Variants in HSF2BP observed in about 807,000 individuals in gnomAD.
The protein encoded by HSF2BP is heat shock factor 2-binding protein.
In HSF2BP, 35 loss-of-function variants were observed where a neutral mutation model predicts 35.0. The ratio of observed to expected loss-of-function variants is 1.00; its 90% confidence interval spans 0.76 to 1.32. The LOEUF is 1.32. Among genes scored for constraint, HSF2BP ranks in the 40% most tolerant of loss-of-function variants. HSF2BP has a pLI of 0.00. For missense variants in HSF2BP, 326 were observed against 321.7 expected (o/e 1.01, Z -0.10); for synonymous variants, 114 against 117.4 (o/e 0.97, Z 0.18).
At chr21:43,467,540 C>G in the HSF2BP span, among the ~76,000 whole-genome samples, 16 of 143,146 alleles carry the variant, frequency 1.1e-4, no homozygotes, top group Middle Eastern at 0.01. Context: ...TCTCAAAACT[C>G]TTATTTCAGG....
intron 5 of HSF2BP, 25 bp from the exon 6 acceptor site, chr21:43,630,479 C>G (rs1182783816): frequency 6.2e-7 from 1 of 1,601,530 alleles, no homozygotes; most frequent in Non-Finnish European, 8.5e-7. Flanking sequence ...ATCAGAGTGT[C>G]ATATCTTTTT....
intron 8 of HSF2BP, among the ~76,000 whole-genome samples, chr21:43,582,188 T>A (rs1302534185): frequency 1.3e-3 from 40 of 31,476 alleles, no homozygotes; most frequent in South Asian, 0.011. Context: ...GGGCCTGCTG[T>A]GGGAGATGAG....
intron 6 of HSF2BP, among the ~76,000 whole-genome samples, chr21:43,622,478 A>G (rs2082341629): frequency 6.6e-6 from 1 of 152,170 alleles, no homozygotes; most frequent in Non-Finnish European, 1.5e-5. Context: ...TGAAGGGTGG[A>G]AAAAGATATC....
the HSF2BP span, among the ~76,000 whole-genome samples, chr21:43,467,942 CACCACACACACCACACTTACACCA>C: frequency 2.4e-4 from 17 of 71,324 alleles, no homozygotes; most frequent in African/African-American, 9.0e-4. Context: ...CACACACACA[CACCACACACACCACACTTACACCA>C]CACACACACC....
chr21:43,614,083 G>T lies in HSF2BP; in HGVS notation c.575-136C>A, dbSNP rs2082242074. On this transcript the variant is annotated intron_variant, in intron 6 of 8. Coordinates refer to ENST00000291560, the MANE Select transcript of HSF2BP (RefSeq NM_007031.2). Reference sequence around the variant, plus strand: ...AAATGAGGCATTTATAAATGAAATTGCTAGGCATGGTTGTTCACACCTGTA... The same window carrying T: ...AAATGAGGCATTTATAAATGAAATTTCTAGGCATGGTTGTTCACACCTGTA... The T allele has an allele frequency of 5.9e-6, 4 of 682,656 alleles. No individual in the cohort carries two copies. The South Asian group carries it at 6.8e-5, about 12-fold the overall frequency. The allele number at this position is 682,656 out of a possible 1,614,324, so 42.3% of individuals were successfully genotyped here. A position where few individuals can be genotyped will look rare whatever the true frequency, so the allele number is the denominator to read the frequency against.
At chr21:43,580,327 GACTAC>G (rs1487205760) in intron 8 of HSF2BP, among the ~76,000 whole-genome samples, 1 of 152,096 alleles carries the variant, frequency 6.6e-6, no homozygotes, top group African/African-American at 2.4e-5. Context: ...ATCCTGACCA[GACTAC>G]ACTAAAGTTT....
At chr21:43,574,360 T>G (rs1256619415) in intron 8 of HSF2BP, among the ~76,000 whole-genome samples, 1 of 151,162 alleles carries the variant, frequency 6.6e-6, no homozygotes, top group African/African-American at 2.5e-5. Context: ...CTTTTTCTTT[T>G]TCTCTTTTTT....
chr21:43,625,526 T>G (rs1284029386), intron 6 of HSF2BP, among the ~76,000 whole-genome samples: 3 of 151,640 alleles, frequency 2.0e-5, no homozygotes, highest in Non-Finnish European at 2.9e-5. Context: ...TATACTTTTG[T>G]AGAAATTTAC....
chr21:43,594,769 G>A (rs1164931851), intron 7 of HSF2BP, among the ~76,000 whole-genome samples: 1 of 151,360 alleles, frequency 6.6e-6, no homozygotes, highest in African/African-American at 2.4e-5. Context: ...GAGGTAGGGA[G>A]GGAAAGATAA....
chr21:43,620,628 G>C (rs573577136), intron 6 of HSF2BP, among the ~76,000 whole-genome samples: 1 of 152,240 alleles, frequency 6.6e-6, no homozygotes, highest in South Asian at 2.1e-4. Flanking sequence ...CCAGGAGTTC[G>C]AGGTTGCAGT....
intron 8 of HSF2BP, among the ~76,000 whole-genome samples, chr21:43,572,735 C>A (rs554150729): frequency 6.6e-6 from 1 of 152,222 alleles, no homozygotes; most frequent in Non-Finnish European, 1.5e-5. Flanking sequence ...CCTTTTCCAA[C>A]GAGCTGTCTT....
At chr21:43,647,524 C>T (rs1395605780) in intron 3 of HSF2BP, among the ~76,000 whole-genome samples, 2 of 152,192 alleles carry the variant, frequency 1.3e-5, no homozygotes, top group Non-Finnish European at 2.9e-5. Flanking sequence ...AGCTGCTGCA[C>T]GCAGTCCATA....
intron 7 of HSF2BP, among the ~76,000 whole-genome samples, chr21:43,604,284 TCACACACAC>T (rs931240658): frequency 9.6e-6 from 1 of 104,396 alleles, no homozygotes; most frequent in Non-Finnish European, 1.9e-5. Flanking sequence ...CTCACACACA[TCACACACAC>T]CACACACACC....
intron 6 of HSF2BP, among the ~76,000 whole-genome samples, chr21:43,614,290 G>A (rs534328032): frequency 6.6e-6 from 1 of 151,352 alleles, no homozygotes; most frequent in Non-Finnish European, 1.5e-5. Flanking sequence ...TTGAGCCTAG[G>A]AGGTAGAGGC....
intron 4 of HSF2BP, among the ~76,000 whole-genome samples, chr21:43,637,418 T>C (rs1346836970): frequency 2.0e-5 from 3 of 152,110 alleles, no homozygotes; most frequent in Non-Finnish European, 1.5e-5. Context: ...CAGGGACTAA[T>C]TGCAACAGAT....
At position 43,659,448 on chromosome 21, in the gene HSF2BP, G is replaced by GCTGGGCCGCTCCGCCAGCTGC. The variant is rs2082934549; in HGVS notation, c.-308_-288dup. 3.3e-6 allele frequency: 1 copy of GCTGGGCCGCTCCGCCAGCTGC among 299,678 alleles called. No homozygotes were observed. The allele number at this position is 299,678 out of a possible 1,614,324, so 18.6% of individuals were successfully genotyped here. ...CAGCGCCGGCGCCACGTGCACACGGGCTGGGCCGCTCCGCCAGCTGCCAGG... is the reference window on the plus strand; with the variant it reads ...CAGCGCCGGCGCCACGTGCACACGGGCTGGGCCGCTCCGCCAGCTGCCTGGGCCGCTCCGCCAGCTGCCAGG... On this transcript the variant is annotated 5_prime_UTR_variant, in exon 1 of 9. Coordinates refer to ENST00000291560, the MANE Select transcript of HSF2BP (RefSeq NM_007031.2). The surrounding 1 kb of genome is among the most constrained non-coding windows in gnomAD (Gnocchi z 4.2).
intron 4 of HSF2BP, among the ~76,000 whole-genome samples, chr21:43,641,980 T>C (rs935426770): frequency 3.3e-5 from 5 of 151,772 alleles, no homozygotes; most frequent in South Asian, 2.1e-4. Flanking sequence ...TCTGGATTCT[T>C]TCCTGGGTCC....
intron 7 of HSF2BP, among the ~76,000 whole-genome samples, chr21:43,601,348 T>C (rs2082049520): frequency 1.3e-5 from 2 of 152,162 alleles, no homozygotes; most frequent in African/African-American, 4.8e-5. Flanking sequence ...AGGCATCTTA[T>C]TAGGGTTATA....
At chr21:43,588,502 G>T (rs534675072) in intron 8 of HSF2BP, among the ~76,000 whole-genome samples, 109 of 152,008 alleles carry the variant, frequency 7.2e-4, no homozygotes, top group African/African-American at 2.5e-3. Flanking sequence ...GGCGGTCGGG[G>T]TCTCAAATCT....
Sources: allele counts gnomAD v4.1 joint callset (sites outside exome capture counted in the v4.1 genomes callset), GRCh38; gene constraint gnomAD v4.1.1; non-coding constraint Gnocchi (gnomAD v3.1); transcripts MANE v1.5; gene names NCBI Gene and HGNC (gene_info 2026-07-23, HGNC 2026-07-21).